HS3ST5: variants seen among roughly 807,000 people sequenced by gnomAD.
HS3ST5 encodes heparan sulfate glucosamine 3-O-sulfotransferase 5.
Under a neutral mutation model 25.4 loss-of-function variants are expected in HS3ST5, and 10 were observed. The ratio of observed to expected loss-of-function variants is 0.39; its 90% CI spans 0.24 to 0.67. The LOEUF (loss-of-function observed/expected upper bound fraction) is 0.67, where lower values mean the gene tolerates loss of function less well. Among genes scored for constraint, HS3ST5 ranks in the 30% least tolerant of loss-of-function variants. The pLI is 0.44. For synonymous variants in HS3ST5, 170 were observed against 162.4 expected (o/e 1.05, Z -0.36); for missense variants, 324 against 420.7 (o/e 0.77, Z 2.01).
At chr6:114,070,978 A>C (rs1773787220) in intron 3 of HS3ST5, among the ~76,000 whole-genome samples, 1 of 152,212 alleles carries the variant, frequency 6.6e-6, no homozygotes, top group Non-Finnish European at 1.5e-5. Context: ...TTCCCAGTGG[A>C]AACTGGATCA....
intron 3 of HS3ST5, among the ~76,000 whole-genome samples, chr6:114,129,467 G>T (rs1339196077): frequency 6.6e-6 from 1 of 152,066 alleles, no homozygotes; most frequent in Non-Finnish European, 1.5e-5. Flanking sequence ...GTGTTAGCCA[G>T]GATGGTCTCG....
In HS3ST5 at chr6:114,133,676, A is replaced by T. The variant is rs73767010; in HGVS notation, c.-33+34675T>A. Among the ~76,000 whole-genome samples, 599 of 152,350 alleles carry T rather than the reference A, an allele frequency of 3.9e-3. 6 individuals carry two copies. The highest frequency in any genetic ancestry group is 0.014 in the African/African-American group (578 of 41,572). On this transcript the variant is annotated intron_variant, in intron 3 of 4. Coordinates refer to ENST00000312719, the MANE Select transcript of HS3ST5 (RefSeq NM_153612.4). ...TAAGCACCAAAAATATAAGAAAAAT[A>T]ATGCATTTTAAGATGCTCATTTGTA... is the stretch of plus-strand genomic sequence containing the variant.
chr6:114,101,823 G>C (rs1445877026), intron 3 of HS3ST5, among the ~76,000 whole-genome samples: 2 of 152,118 alleles, frequency 1.3e-5, no homozygotes, highest in African/African-American at 4.8e-5. Flanking sequence ...CGGTAGACTG[G>C]GTAAAGAAAA....
intron 3 of HS3ST5, among the ~76,000 whole-genome samples, chr6:114,103,922 C>T (rs1290152654): frequency 1.4e-5 from 2 of 141,754 alleles, no homozygotes; most frequent in African/African-American, 2.6e-5. Context: ...AGGATGGTCT[C>T]GATCTCCTGA....
intron 2 of HS3ST5, among the ~76,000 whole-genome samples, chr6:114,203,697 C>T (rs372240098): frequency 6.6e-6 from 1 of 152,166 alleles, no homozygotes; most frequent in Non-Finnish European, 1.5e-5. Context: ...ACAGTTTAAA[C>T]ACTCTTCTGA....
intron 1 of HS3ST5, among the ~76,000 whole-genome samples, chr6:114,283,767 G>A (rs1225887461): frequency 6.6e-6 from 1 of 151,978 alleles, no homozygotes; most frequent in Non-Finnish European, 1.5e-5. Context: ...CAGAGCATTT[G>A]TGAAATTTAT....
chr6:114,241,720 G>A (rs1320214481), intron 1 of HS3ST5, among the ~76,000 whole-genome samples: 4 of 152,092 alleles, frequency 2.6e-5, no homozygotes, highest in South Asian at 2.1e-4. Flanking sequence ...AACTAAACCC[G>A]GCTAGGAGAT....
At chr6:114,097,017 A>C (rs984183468) in intron 3 of HS3ST5, among the ~76,000 whole-genome samples, 1 of 152,050 alleles carries the variant, frequency 6.6e-6, no homozygotes, top group Non-Finnish European at 1.5e-5. Flanking sequence ...ATTGCACTCA[A>C]TTTCTTTGGT....
At chr6:114,114,946 G>T (rs747529788) in intron 3 of HS3ST5, among the ~76,000 whole-genome samples, 1 of 152,066 alleles carries the variant, frequency 6.6e-6, no homozygotes, top group Non-Finnish European at 1.5e-5. Flanking sequence ...ATCTTCATAA[G>T]CTTTATAAAT....
intron 1 of HS3ST5, among the ~76,000 whole-genome samples, chr6:114,286,503 G>T (rs1177133723): frequency 6.6e-6 from 1 of 151,820 alleles, no homozygotes; most frequent in Non-Finnish European, 1.5e-5. Flanking sequence ...CGATTTAAAT[G>T]GTTATTAGCC....
At chr6:114,340,916 A>C (rs1052780222) in intron 1 of HS3ST5, among the ~76,000 whole-genome samples, 3 of 152,128 alleles carry the variant, frequency 2.0e-5, no homozygotes, top group Non-Finnish European at 2.9e-5. Flanking sequence ...CTAGCAAATC[A>C]GTTTAGAAAG....
At chr6:114,112,709 C>G (rs1776325687) in intron 3 of HS3ST5, among the ~76,000 whole-genome samples, 1 of 152,176 alleles carries the variant, frequency 6.6e-6, no homozygotes, top group South Asian at 2.1e-4. Flanking sequence ...TCTTACCACA[C>G]TTCTCCTTCT....
intron 3 of HS3ST5, among the ~76,000 whole-genome samples, chr6:114,073,401 C>T (rs551640211): frequency 7.9e-5 from 12 of 152,180 alleles, no homozygotes; most frequent in East Asian, 7.7e-4. Flanking sequence ...ACCTGACAAA[C>T]GGCTAATATC....
chr6:114,256,105 G>A (rs1267785339), intron 1 of HS3ST5, among the ~76,000 whole-genome samples: 1 of 152,006 alleles, frequency 6.6e-6, no homozygotes, highest in Non-Finnish European at 1.5e-5. Flanking sequence ...ATATTTCACA[G>A]TGGCCAGGTG....
At position 114,084,147 on chromosome 6, in the gene HS3ST5, A is replaced by C. The variant is rs1476805496; in HGVS notation, c.-32-21270T>G. ...CATCAACCTTATTGCCATGTTGCTT[A>C]AGAACACATGCAAGAACAGCTTAAG... is the stretch of plus-strand genomic sequence containing the variant. On this transcript the variant is annotated intron_variant, in intron 3 of 4. Transcript: ENST00000312719. 6.9e-6 allele frequency: 5 copies of C among 728,646 alleles called. No individual in the cohort carries two copies. The African/African-American group carries it at 8.7e-5, about 13-fold the overall frequency. The allele number at this position is 728,646 out of a possible 1,614,324, so 45.1% of individuals were successfully genotyped here.
At chr6:114,321,497 A>G (rs1214320048) in intron 1 of HS3ST5, among the ~76,000 whole-genome samples, 3 of 152,108 alleles carry the variant, frequency 2.0e-5, no homozygotes, top group Non-Finnish European at 2.9e-5. Context: ...TGTGTTCCAC[A>G]TTCTCTGTAA....
chr6:114,267,150 G>T (rs776959942), intron 1 of HS3ST5, among the ~76,000 whole-genome samples: 3 of 152,030 alleles, frequency 2.0e-5, no homozygotes, highest in Non-Finnish European at 4.4e-5. Context: ...AATAACTAAA[G>T]ATTTATTAAA....
At chr6:114,164,156 T>TAATA (rs3049811) in intron 3 of HS3ST5, among the ~76,000 whole-genome samples, 13 of 146,396 alleles carry the variant, frequency 8.9e-5, no homozygotes, top group African/African-American at 3.3e-4. Flanking sequence ...TTTTTTGCTA[T>TAATA]TTCACTATCT....
chr6:114,322,794 C>G (rs1431724429), intron 1 of HS3ST5, among the ~76,000 whole-genome samples: 2 of 152,198 alleles, frequency 1.3e-5, no homozygotes, highest in Admixed American at 1.3e-4. Flanking sequence ...GCAATGCATG[C>G]ATACCTAATA....
Sources: gnomAD v4.1 joint callset for allele counts (sites outside exome capture counted in the v4.1 genomes callset) on GRCh38, gnomAD v4.1.1 for gene constraint, MANE v1.5 for transcripts, NCBI Gene and HGNC (gene_info 2026-07-23, HGNC 2026-07-21) for gene names.